The following NFATC1 variants were observed in gnomAD, a reference collection of about 807,000 sequenced individuals.
NFATC1 encodes nuclear factor of activated T cells 1.
Under a neutral mutation model 76.0 loss-of-function variants are expected in NFATC1, and 22 were observed. That is an observed-to-expected ratio of 0.29 (90% CI 0.21 to 0.41). NFATC1 has a LOEUF of 0.41. Ranked by LOEUF, NFATC1 falls within the 10% of genes least tolerant of loss-of-function variation. The pLI is 1.00. For missense variants in NFATC1, 1,357 were observed against 1,337.7 expected (o/e 1.01, Z -0.23); for synonymous variants, 704 against 613.1 (o/e 1.15, Z -2.19).
At chr18:79,462,856 G>A (rs2088191910) in intron 7 of NFATC1, among the ~76,000 whole-genome samples, 1 of 152,186 alleles carries the variant, frequency 6.6e-6, no homozygotes, top group African/African-American at 2.4e-5. Flanking sequence ...CACTCAGTGT[G>A]TGCAGTTGGA....
At chr18:79,429,959 A>G (rs1349577782) in intron 2 of NFATC1, among the ~76,000 whole-genome samples, 5 of 152,212 alleles carry the variant, frequency 3.3e-5, no homozygotes, top group South Asian at 2.1e-4. Flanking sequence ...TAGATTCACA[A>G]ACTGTGACCG....
chr18:79,527,777 C>T lies in NFATC1; in HGVS notation c.*200C>T. ...GGGAGGAAGGGAGACCACTGTGTCA[C>T]CTGGAGGAGAAGTCATCTCATGACA... On this transcript the variant is annotated 3_prime_UTR_variant, in exon 10 of 10. Transcript: ENST00000427363. 3.4e-6 allele frequency: 2 copies of T among 595,458 alleles called. No homozygotes were observed. Among genetic ancestry groups the T allele is most frequent in the Non-Finnish European group, 5.9e-6 (2 of 336,596 alleles). The allele number at this position is 595,458 out of a possible 1,614,324, so 36.9% of individuals were successfully genotyped here. A position where few individuals can be genotyped will look rare whatever the true frequency, so the allele number is the denominator to read the frequency against.
intron 2 of NFATC1, among the ~76,000 whole-genome samples, chr18:79,419,336 A>G (rs979402249): frequency 6.6e-6 from 1 of 152,094 alleles, no homozygotes; most frequent in East Asian, 1.9e-4. Context: ...GATCATGGAG[A>G]TCTGAAATGT....
At chr18:79,413,155 C>T (rs2085757130) in intron 2 of NFATC1, among the ~76,000 whole-genome samples, 1 of 152,212 alleles carries the variant, frequency 6.6e-6, no homozygotes. Context: ...AGTCGTCCAT[C>T]ACCGCGGAAC....
chr18:79,494,813 G>GTGAGCAT (rs1173941779), intron 9 of NFATC1, among the ~76,000 whole-genome samples: 1 of 103,018 alleles, frequency 9.7e-6, no homozygotes. Context: ...GTACCGCCGG[G>GTGAGCAT]GGAAGGCGAG....
intron 9 of NFATC1, among the ~76,000 whole-genome samples, chr18:79,491,877 G>A (rs937028159): frequency 7.9e-5 from 12 of 151,628 alleles, no homozygotes; most frequent in African/African-American, 1.7e-4. Flanking sequence ...GCTTCCCTCC[G>A]CCTGACCAGA....
At chr18:79,443,084 G>C (rs907947226) in intron 3 of NFATC1, among the ~76,000 whole-genome samples, 12 of 152,310 alleles carry the variant, frequency 7.9e-5, no homozygotes, top group African/African-American at 2.9e-4. Flanking sequence ...TTTCAGTCGC[G>C]GCTGGAAGGT....
intron 8 of NFATC1, chr18:79,470,814 A>G (rs1489957597): frequency 6.6e-6 from 1 of 152,286 alleles, no homozygotes; most frequent in African/African-American, 2.4e-5. Flanking sequence ...GGAATCAGGC[A>G]TCTGAGTGCA....
intron 8 of NFATC1, among the ~76,000 whole-genome samples, chr18:79,483,440 C>G (rs1361660032): frequency 1.4e-5 from 2 of 139,772 alleles, no homozygotes; most frequent in African/African-American, 5.5e-5. Flanking sequence ...TGACCTGGTC[C>G]TGGGGTGTAA....
rs142348393 is a variant in NFATC1, at chr18:79,412,943, G to A, written c.1226+1442G>A. On this transcript the variant is annotated intron_variant, in intron 2 of 9. Coordinates refer to ENST00000427363, the MANE Select transcript of NFATC1 (RefSeq NM_001278669.2). ...CTGGCGTATTCTAGGTGATCACAACGAGCCTGTGTCAGGACCCGGATTGTA... is the reference window on the plus strand; with the variant it reads ...CTGGCGTATTCTAGGTGATCACAACAAGCCTGTGTCAGGACCCGGATTGTA... Among the ~76,000 whole-genome samples the A allele has an allele frequency of 4.3e-3, 662 of 152,284 alleles. 16 individuals are homozygous for A. The highest frequency in any genetic ancestry group is 0.026 in the Admixed American group (392 of 15,302).
chr18:79,517,581 G>A (rs2090415291), intron 9 of NFATC1, among the ~76,000 whole-genome samples: 1 of 152,204 alleles, frequency 6.6e-6, no homozygotes, highest in Admixed American at 6.5e-5. Context: ...GTGGCATCAC[G>A]ACGGCCTTTT....
At chr18:79,476,000 C>A (rs192424626) in intron 8 of NFATC1, among the ~76,000 whole-genome samples, 1 of 152,016 alleles carries the variant, frequency 6.6e-6, no homozygotes. Context: ...TGGGGCTGGG[C>A]GAGTCTGGCT....
At chr18:79,449,179 C>T (rs1324550998) in intron 4 of NFATC1, among the ~76,000 whole-genome samples, 195 bp downstream of exon 4, 1 of 152,242 alleles carries the variant, frequency 6.6e-6, no homozygotes, top group African/African-American at 2.4e-5. Context: ...GGTTTCAGCC[C>T]TGTGTATATT....
At chr18:79,439,344 C>G (rs1040449792) in intron 3 of NFATC1, among the ~76,000 whole-genome samples, 1 of 152,216 alleles carries the variant, frequency 6.6e-6, no homozygotes, top group Admixed American at 6.5e-5. Context: ...GCCGCTCCGG[C>G]CCCGCCCCAG....
chr18:79,459,328 C>T (rs987928326), intron 6 of NFATC1, among the ~76,000 whole-genome samples: 2 of 152,218 alleles, frequency 1.3e-5, no homozygotes, highest in Admixed American at 6.5e-5. Flanking sequence ...GCCTCCATGC[C>T]GTCGTTCCAT....
At chr18:79,461,218 C>T (rs939840396) in intron 6 of NFATC1, 93 bp from the exon 7 acceptor site, 58 of 1,477,694 alleles carry the variant, frequency 3.9e-5, no homozygotes, top group Admixed American at 1.7e-5. Flanking sequence ...GCCCTCCTGG[C>T]TCAGGGCCCT....
At chr18:79,464,715 T>A (rs1600816634) in intron 7 of NFATC1, among the ~76,000 whole-genome samples, 1 of 137,412 alleles carries the variant, frequency 7.3e-6, no homozygotes, top group South Asian at 2.2e-4. Context: ...TATTTATTTT[T>A]TTTTTTTTGA....
chr18:79,491,299 C>T (rs1214242571), intron 9 of NFATC1, among the ~76,000 whole-genome samples: 3 of 152,136 alleles, frequency 2.0e-5, no homozygotes, highest in Non-Finnish European at 1.5e-5. Context: ...CAACAAGGGA[C>T]GATCCCAGCA....
At chr18:79,496,282 C>T (rs953397396) in intron 9 of NFATC1, 3 of 152,546 alleles carry the variant, frequency 2.0e-5, no homozygotes, top group African/African-American at 7.2e-5. Context: ...TCTTTACAGA[C>T]ACGCTTAGAT....
Sources: gnomAD v4.1 joint callset for allele counts (sites outside exome capture counted in the v4.1 genomes callset) on GRCh38, gnomAD v4.1.1 for gene constraint, MANE v1.5 for transcripts, NCBI Gene and HGNC (gene_info 2026-07-23, HGNC 2026-07-21) for gene names.